The following RANBP17 variants were observed in gnomAD, a reference collection of about 807,000 sequenced individuals.
RANBP17 encodes ran-binding protein 17.
RANBP17 carries 158 observed loss-of-function variants against 141.2 expected under a neutral mutation model. That is an observed-to-expected ratio of 1.12 (90% CI 0.98 to 1.28). RANBP17 has a LOEUF of 1.28. Ranked by LOEUF, RANBP17 falls within the 50% of genes most tolerant of loss-of-function variation. The pLI is 0.00. For synonymous variants in RANBP17, 430 were observed against 450.0 expected (o/e 0.96, Z 0.56); for missense variants, 1,438 against 1,290.7 (o/e 1.11, Z -1.75).
In RANBP17 at chr5:171,242,832, A is replaced by C; in HGVS notation, c.2776+12A>C. 1 of 1,612,602 alleles carries C rather than the reference A, an allele frequency of 6.2e-7. No individual in the cohort carries two copies. Among genetic ancestry groups the C allele is most frequent in the South Asian group, 1.1e-5 (1 of 90,840 alleles). On this transcript the variant is annotated intron_variant, in intron 24 of 27. Coordinates refer to ENST00000523189, the MANE Select transcript of RANBP17 (RefSeq NM_022897.5). ...ACTCACTACTCTTGGTAAGGATCAT[A>C]GAGGACATTGTTTCCATAGGAAAAA...
In RANBP17 at chr5:171,221,785, A is replaced by G; in HGVS notation, c.2367A>G (p.Ser789=). The G allele has an allele frequency of 2.5e-6, 4 of 1,611,268 alleles. No individual in the cohort carries two copies. The South Asian group carries it at 4.4e-5, about 18-fold the overall frequency. ...NRSQRLNFDV[S]SPNGILLFRE... ...CCCAGCGTTTGAATTTTGATGTATC[A>G]TCTCCTAATGGAATTCTTCTCTTCA... Residue 789 remains serine, a synonymous_variant, in exon 22 of 28, where the codon TCA becomes TCG. Coordinates refer to ENST00000523189, the MANE Select transcript of RANBP17 (RefSeq NM_022897.5).
intron 14 of RANBP17, among the ~76,000 whole-genome samples, chr5:170,979,468 T>G (rs899773625): frequency 1.3e-5 from 2 of 152,170 alleles, no homozygotes; most frequent in African/African-American, 2.4e-5. Flanking sequence ...AATGATATGG[T>G]CTGGCTGTGT....
intron 18 of RANBP17, among the ~76,000 whole-genome samples, chr5:171,195,072 CT>C (rs1761886628): frequency 6.6e-6 from 1 of 152,170 alleles, no homozygotes; most frequent in Admixed American, 6.5e-5. Flanking sequence ...TAATTTTTAT[CT>C]ATACATGACT....
At chr5:171,237,269 T>C (rs937181741) in intron 22 of RANBP17, among the ~76,000 whole-genome samples, 5 of 152,324 alleles carry the variant, frequency 3.3e-5, no homozygotes, top group Admixed American at 3.3e-4. Context: ...CAAGCAGTTC[T>C]CTTAAGCTAT....
chr5:171,019,741 T>C (rs1018978768), intron 14 of RANBP17, among the ~76,000 whole-genome samples: 8 of 151,974 alleles, frequency 5.3e-5, no homozygotes, highest in Non-Finnish European at 8.8e-5. Context: ...TTTGGAGGGG[T>C]TTCCATGTCT....
chr5:171,013,321 C>T lies in RANBP17; in HGVS notation c.1710+44944C>T, dbSNP rs569524588. ...ATTGGACTTCTAACTGTGATCCAGC[C>T]GACTTTCCTATTGAGAAACCACATA... is the stretch of plus-strand genomic sequence containing the variant. On this transcript the variant is annotated intron_variant, in intron 14 of 27. Coordinates refer to ENST00000523189, the MANE Select transcript of RANBP17 (RefSeq NM_022897.5). Among the ~76,000 whole-genome samples the T allele has an allele frequency of 1.3e-4, 20 of 152,208 alleles. 1 individual carries two copies. Among genetic ancestry groups the T allele is most frequent in the South Asian group, 1.2e-3 (6 of 4,818 alleles).
intron 7 of RANBP17, among the ~76,000 whole-genome samples, chr5:170,911,757 T>C (rs1771545083): frequency 6.6e-6 from 1 of 151,840 alleles, no homozygotes; most frequent in Admixed American, 6.6e-5. Flanking sequence ...ATGAATTAGA[T>C]TAAGTGACCT....
intron 14 of RANBP17, among the ~76,000 whole-genome samples, chr5:171,123,727 T>C (rs1756217124): frequency 6.6e-6 from 1 of 152,198 alleles, no homozygotes; most frequent in African/African-American, 2.4e-5. Flanking sequence ...CAGCCTCCGC[T>C]AACAACTGTG....
intron 21 of RANBP17, among the ~76,000 whole-genome samples, chr5:171,219,691 A>G (rs1763434237): frequency 2.0e-5 from 3 of 151,444 alleles, no homozygotes. Flanking sequence ...TTGGCTATTG[A>G]TACTTGTGTA....
At chr5:170,895,219 C>T (rs1271849981) in intron 4 of RANBP17, among the ~76,000 whole-genome samples, 4 of 152,102 alleles carry the variant, frequency 2.6e-5, no homozygotes, top group Non-Finnish European at 5.9e-5. Flanking sequence ...TAATGGAATT[C>T]TGTGATAGTT....
At position 171,293,849 on chromosome 5, in the gene RANBP17, G is replaced by A. The variant is rs189929475; in HGVS notation, c.2944-34G>A. Reference sequence around the variant, plus strand: ...GGGATTAGGGGGAACTCTGAGACAAGGCATCTCAATCTTTATGTGATTCTA... The same window carrying A: ...GGGATTAGGGGGAACTCTGAGACAAAGCATCTCAATCTTTATGTGATTCTA... On this transcript the variant is annotated intron_variant, in intron 25 of 27. Coordinates refer to ENST00000523189, the MANE Select transcript of RANBP17 (RefSeq NM_022897.5). 1.6e-3 allele frequency: 2,436 copies of A among 1,487,782 alleles called. 6 individuals are homozygous for A. Among genetic ancestry groups the A allele is most frequent in the Non-Finnish European group, 1.8e-3 (1,941 of 1,065,092 alleles). The allele number at this position is 1,487,782 out of a possible 1,614,324, so 92.2% of individuals were successfully genotyped here.
intron 14 of RANBP17, among the ~76,000 whole-genome samples, chr5:171,053,878 C>CATATATATAT (rs58623197): frequency 1.7e-4 from 3 of 17,222 alleles, no homozygotes; most frequent in Non-Finnish European, 2.5e-4. Flanking sequence ...GTGTTTAGTT[C>CATATATATAT]ATATATATAT....
chr5:171,070,012 G>A (rs1020854946), intron 14 of RANBP17, among the ~76,000 whole-genome samples: 9 of 151,960 alleles, frequency 5.9e-5, no homozygotes, highest in Admixed American at 2.0e-4. Flanking sequence ...TTAAACAGAC[G>A]GGAACTCTTG....
At position 171,083,031 on chromosome 5, in the gene RANBP17, C is replaced by T. The variant is rs557561843; in HGVS notation, c.1711-87099C>T. Among the ~76,000 whole-genome samples the T allele has an allele frequency of 9.9e-5, 15 of 152,182 alleles. No homozygotes were observed. In the South Asian group the frequency reaches 2.3e-3, roughly 23 times the overall value. ...GATTATAAATTGAACAAATGAAAGA[C>T]GGCTTTTCAGAATAAAGTATTCAAT... On this transcript the variant is annotated intron_variant, in intron 14 of 27. Coordinates refer to ENST00000523189, the MANE Select transcript of RANBP17 (RefSeq NM_022897.5).
chr5:171,071,025 A>C (rs1315767237), intron 14 of RANBP17, among the ~76,000 whole-genome samples: 1 of 152,026 alleles, frequency 6.6e-6, no homozygotes, highest in African/African-American at 2.4e-5. Context: ...AATTCCTAGA[A>C]ATAAAATTGC....
rs1332358157 is a variant in RANBP17, at chr5:170,862,022, C to T, written c.-12C>T. 6.9e-7 allele frequency: 1 copy of T among 1,458,394 alleles called. No homozygotes were observed. Among genetic ancestry groups the T allele is most frequent in the African/African-American group, 1.5e-5 (1 of 67,838 alleles). The allele number at this position is 1,458,394 out of a possible 1,614,324, so 90.3% of individuals were successfully genotyped here. ...CCGACCGGCCGGCTGGCCGGCGCCG[C>T]CTCCTGGGAAGATGGCGCTGCACTT... is the stretch of plus-strand genomic sequence containing the variant. On this transcript the variant is annotated 5_prime_UTR_variant, in exon 1 of 28. Coordinates refer to ENST00000523189, the MANE Select transcript of RANBP17 (RefSeq NM_022897.5).
At chr5:170,966,518 A>G (rs930566280) in intron 13 of RANBP17, among the ~76,000 whole-genome samples, 1 of 152,346 alleles carries the variant, frequency 6.6e-6, no homozygotes, top group South Asian at 2.1e-4. Context: ...AACTCTCAAT[A>G]AATTAGGTAT....
intron 14 of RANBP17, among the ~76,000 whole-genome samples, chr5:171,032,298 A>C (rs548718543): frequency 5.3e-5 from 8 of 152,260 alleles, no homozygotes; most frequent in African/African-American, 1.9e-4. Flanking sequence ...GGTAGATATG[A>C]ATAATCCATG....
At chr5:170,955,576 C>CTGTG (rs1282108015) in intron 13 of RANBP17, among the ~76,000 whole-genome samples, 5 of 17,286 alleles carry the variant, frequency 2.9e-4, no homozygotes, top group African/African-American at 5.7e-4. Context: ...TATGCTCAGT[C>CTGTG]TGTGTGTATA....
Sources: gnomAD v4.1 joint callset for allele counts (sites outside exome capture counted in the v4.1 genomes callset) on GRCh38, gnomAD v4.1.1 for gene constraint, MANE v1.5 for transcripts, NCBI Gene and HGNC (gene_info 2026-07-23, HGNC 2026-07-21) for gene names.